FGF14: variants seen among roughly 807,000 people sequenced by gnomAD.
The protein encoded by FGF14 is fibroblast growth factor homologous factor 4.
FGF14 carries 5 observed loss-of-function variants against 25.5 expected under a neutral mutation model. That is an observed-to-expected ratio of 0.20 (90% CI 0.10 to 0.41). FGF14 has a LOEUF of 0.41. FGF14 is among the 10% of genes least tolerant of loss of function. The pLI is 1.00. For synonymous variants in FGF14, 138 were observed against 118.3 expected, an observed-to-expected ratio of 1.17 and a Z score of -1.08; for missense variants, 222 against 320.1, an observed-to-expected ratio of 0.69 and a Z score of 2.34.
At chr13:101,820,550 A>G (rs1266742575) in intron 3 of FGF14, among the ~76,000 whole-genome samples, 1 of 125,686 alleles carries the variant, frequency 8.0e-6, no homozygotes, top group Non-Finnish European at 1.8e-5. Flanking sequence ...AAGCAATATC[A>G]TGTTTCTCAT....
chr13:102,002,024 G>T (rs2039524666), intron 1 of FGF14: 2 of 152,116 alleles, frequency 1.3e-5, no homozygotes, highest in Non-Finnish European at 2.9e-5. Flanking sequence ...GATTAGGAAT[G>T]GTTTATTCCC....
At chr13:102,075,118 G>C (rs577928472) in intron 1 of FGF14, among the ~76,000 whole-genome samples, 2 of 152,208 alleles carry the variant, frequency 1.3e-5, no homozygotes, top group African/African-American at 4.8e-5. Flanking sequence ...CCAAGACAGA[G>C]ATGAAAAAAT....
chr13:102,264,701 A>T (rs1594637185), intron 1 of FGF14, among the ~76,000 whole-genome samples: 1 of 152,170 alleles, frequency 6.6e-6, no homozygotes, highest in East Asian at 1.9e-4. Context: ...ACCTGAGTCA[A>T]AAAGGGCAAG....
intron 1 of FGF14, among the ~76,000 whole-genome samples, chr13:102,227,557 A>G (rs1354538853): frequency 1.3e-5 from 2 of 152,202 alleles, no homozygotes; most frequent in African/African-American, 2.4e-5. Flanking sequence ...TTTCGCAAAC[A>G]TAATTATGAT....
At position 102,053,302 on chromosome 13, in the gene FGF14, G is replaced by A. The variant is rs143517012; in HGVS notation, c.209-178006C>T. Among the ~76,000 whole-genome samples, 70 of 152,192 alleles carry A rather than the reference G, an allele frequency of 4.6e-4. No individual in the cohort carries two copies. The Middle Eastern group carries it at 0.014, about 30-fold the overall frequency. On this transcript the variant is annotated intron_variant, in intron 1 of 4. Transcript: ENST00000376131. ...ACAGAACATGATCCAACAATATGCTGCCTACAAGAGACTAACTTCACCTTT... is the reference window on the plus strand; with the variant it reads ...ACAGAACATGATCCAACAATATGCTACCTACAAGAGACTAACTTCACCTTT...
chr13:101,715,343 T>G lies in FGF14; in HGVS notation c.*7488A>C, dbSNP rs369637216. ...GTGATACAGGATGGTGACTATCTGA[T>G]CGGTAAAGGGTGGCACCAAATAAAT... On this transcript the variant is annotated 3_prime_UTR_variant, in exon 5 of 5. Transcript: ENST00000376143. The G allele has an allele frequency of 2.0e-4, 103 of 513,914 alleles. 1 individual carries two copies. The highest frequency in any genetic ancestry group is 1.2e-3 in the South Asian group (48 of 41,504). The allele number at this position is 513,914 out of a possible 1,614,324, so 31.8% of individuals were successfully genotyped here.
intron 1 of FGF14, among the ~76,000 whole-genome samples, chr13:102,104,427 T>C (rs2044805721): frequency 6.6e-6 from 1 of 152,210 alleles, no homozygotes; most frequent in Non-Finnish European, 1.5e-5. Context: ...GTGGCATTTA[T>C]TTACTTATCT....
intron 1 of FGF14, among the ~76,000 whole-genome samples, chr13:102,340,905 C>G (rs939937973): frequency 6.6e-6 from 1 of 152,230 alleles, no homozygotes; most frequent in African/African-American, 2.4e-5. Flanking sequence ...TAATCAGCTA[C>G]TATCTGCTCA....
chr13:102,252,847 G>A (rs1440514494), intron 1 of FGF14, among the ~76,000 whole-genome samples: 1 of 152,016 alleles, frequency 6.6e-6, no homozygotes, highest in Non-Finnish European at 1.5e-5. Context: ...AGGTCACTGT[G>A]TGTAATGTTC....
At chr13:102,021,863 T>C (rs2040669761) in intron 1 of FGF14, among the ~76,000 whole-genome samples, 1 of 152,068 alleles carries the variant, frequency 6.6e-6, no homozygotes, top group African/African-American at 2.4e-5. Context: ...CTTCTATTCT[T>C]AGTTCTTCTA....
chr13:102,059,117 A>G (rs933565039), intron 1 of FGF14, among the ~76,000 whole-genome samples: 1 of 152,258 alleles, frequency 6.6e-6, no homozygotes, highest in East Asian at 1.9e-4. Flanking sequence ...CAGAACCAAT[A>G]AAGAATGTGC....
At chr13:101,787,734 C>T (rs575568955) in intron 3 of FGF14, among the ~76,000 whole-genome samples, 1 of 152,298 alleles carries the variant, frequency 6.6e-6, no homozygotes, top group South Asian at 2.1e-4. Context: ...AGCATCTTTC[C>T]AGTCTCTTCT....
chr13:101,870,631 T>C (rs2140456707), intron 2 of FGF14, among the ~76,000 whole-genome samples: 1 of 152,288 alleles, frequency 6.6e-6, no homozygotes, highest in East Asian at 1.9e-4. Context: ...AAAATACTAG[T>C]GTTTTTCCCT....
chr13:102,036,318 C>A (rs2139969069), intron 1 of FGF14, among the ~76,000 whole-genome samples: 1 of 152,232 alleles, frequency 6.6e-6, no homozygotes, highest in South Asian at 2.1e-4. Context: ...ATGTACACCA[C>A]CAACACAGAT....
intron 1 of FGF14, among the ~76,000 whole-genome samples, chr13:101,889,087 A>T (rs1357071199): frequency 6.6e-6 from 1 of 152,154 alleles, no homozygotes; most frequent in East Asian, 1.9e-4. Context: ...CCAAGGAGAG[A>T]GGCCTCAGGA....
rs572248171 is a variant in FGF14 at position 101,775,697 on chromosome 13, C to T, written c.409-48887G>A. Among the ~76,000 whole-genome samples the T allele has an allele frequency of 9.9e-5, 15 of 152,088 alleles. No individual in the cohort carries two copies. The South Asian group carries it at 2.7e-3, about 27-fold the overall frequency. ...GGCCTAGGGAAAAAGTGTAATGATG[C>T]CTAAAGGATTTCCTGGAAGTTGGCA... On this transcript the variant is annotated intron_variant, in intron 3 of 4. Coordinates refer to ENST00000376143, the MANE Select transcript of FGF14 (RefSeq NM_004115.4).
chr13:102,143,008 G>C (rs1329758860), intron 1 of FGF14, among the ~76,000 whole-genome samples: 1 of 152,000 alleles, frequency 6.6e-6, no homozygotes, highest in Admixed American at 6.6e-5. Context: ...TTCCTTTCCT[G>C]CTTCAGGTTT....
At chr13:102,257,456 A>C (rs1336718) in intron 1 of FGF14, among the ~76,000 whole-genome samples, 89,720 of 148,070 alleles carry the variant, frequency 0.61, 27,240 homozygotes, top group Middle Eastern at 0.74. Context: ...GGTTCAAGTG[A>C]TTCTTCTGCC....
chr13:102,124,861 TAAA>T (rs1279037753), intron 1 of FGF14, among the ~76,000 whole-genome samples: 1 of 152,176 alleles, frequency 6.6e-6, no homozygotes, highest in Non-Finnish European at 1.5e-5. Context: ...TGATGGTATA[TAAA>T]ATTCTTATCT....
Sources: allele counts gnomAD v4.1 joint callset (sites outside exome capture counted in the v4.1 genomes callset), GRCh38; gene constraint gnomAD v4.1.1; transcripts MANE v1.5; gene names NCBI Gene and HGNC (gene_info 2026-07-23, HGNC 2026-07-21).